SYT1: variants seen among roughly 807,000 people sequenced by gnomAD.
SYT1 encodes the protein synaptotagmin-1.
In SYT1, 8 loss-of-function variants were observed where a neutral mutation model predicts 44.8. The ratio of observed to expected loss-of-function variants is 0.18; its 90% CI spans 0.10 to 0.32. SYT1 has a LOEUF of 0.32. SYT1 is among the 10% of genes least tolerant of loss of function. The pLI, the probability that SYT1 is intolerant of heterozygous loss-of-function variation, is 1.00. For synonymous variants in SYT1, 154 were observed against 188.8 expected, an observed-to-expected ratio of 0.82 and a Z score of 1.51; for missense variants, 286 against 509.3, an observed-to-expected ratio of 0.56 and a Z score of 4.22.
In SYT1 at chr12:78,980,761, C is replaced by T. The variant is rs557242948; in HGVS notation, c.-84+2830C>T. Reference sequence around the variant, plus strand: ...GATCGTCAAAATTAAGCCAATTAGACAAAAAATATTACATTATATATTTAC... The same window carrying T: ...GATCGTCAAAATTAAGCCAATTAGATAAAAAATATTACATTATATATTTAC... On this transcript the variant is annotated intron_variant, in intron 2 of 10. Coordinates refer to ENST00000261205, the MANE Select transcript of SYT1 (RefSeq NM_005639.3). Among the ~76,000 whole-genome samples the T allele has an allele frequency of 1.8e-4, 27 of 151,714 alleles. 1 individual carries two copies. In the South Asian group the frequency reaches 5.2e-3, roughly 29 times the overall value.
chr12:79,328,327 C>A (rs1167976635), intron 8 of SYT1, among the ~76,000 whole-genome samples: 1 of 152,108 alleles, frequency 6.6e-6, no homozygotes, highest in Admixed American at 6.5e-5. Context: ...CAGGAAGATG[C>A]ACTAATTTTA....
At chr12:79,352,847 T>C (rs572547724) in intron 8 of SYT1, among the ~76,000 whole-genome samples, 2 of 152,334 alleles carry the variant, frequency 1.3e-5, no homozygotes, top group South Asian at 2.1e-4. Flanking sequence ...TGCATTTGCA[T>C]TGTGTTACTA....
chr12:79,434,339 C>A (rs764968606), intron 9 of SYT1, among the ~76,000 whole-genome samples: 2 of 152,124 alleles, frequency 1.3e-5, no homozygotes, highest in Non-Finnish European at 2.9e-5. Flanking sequence ...ATGCTGCATC[C>A]TTTCAACAGC....
intron 1 of SYT1, among the ~76,000 whole-genome samples, chr12:78,972,916 C>A (rs1189889093): frequency 6.6e-6 from 1 of 152,034 alleles, no homozygotes; most frequent in Non-Finnish European, 1.5e-5. Flanking sequence ...ATGTAAACAT[C>A]AAGACAATGG....
chr12:79,438,671 G>A (rs1387502417), intron 9 of SYT1, among the ~76,000 whole-genome samples: 2 of 151,972 alleles, frequency 1.3e-5, no homozygotes, highest in African/African-American at 4.8e-5. Flanking sequence ...AGTCAAACAA[G>A]GTCTATATCC....
At chr12:78,944,120 A>T (rs928539317) in intron 1 of SYT1, among the ~76,000 whole-genome samples, 1 of 151,936 alleles carries the variant, frequency 6.6e-6, no homozygotes, top group Admixed American at 6.6e-5. Context: ...TCAGAATTTT[A>T]AAAATCTCTG....
intron 9 of SYT1, among the ~76,000 whole-genome samples, chr12:79,401,442 C>T (rs570228397): frequency 5.3e-5 from 8 of 152,234 alleles, no homozygotes; most frequent in East Asian, 1.9e-4. Context: ...GCTTTCACTT[C>T]GTATTCATGA....
At chr12:78,889,201 A>G (rs1050435677) in intron 1 of SYT1, among the ~76,000 whole-genome samples, 1 of 151,842 alleles carries the variant, frequency 6.6e-6, no homozygotes, top group Admixed American at 6.6e-5. Flanking sequence ...CCTGGCATCC[A>G]TGTTTCTTCA....
chr12:79,159,949 GAGTA>G (rs1870845582), intron 3 of SYT1, among the ~76,000 whole-genome samples: 1 of 152,146 alleles, frequency 6.6e-6, no homozygotes, highest in Admixed American at 6.6e-5. Flanking sequence ...TCCAGCCACT[GAGTA>G]AATGAGAACA....
chr12:79,150,097 A>T (rs924818835), intron 3 of SYT1, among the ~76,000 whole-genome samples: 1 of 152,202 alleles, frequency 6.6e-6, no homozygotes, highest in Non-Finnish European at 1.5e-5. Context: ...ACAACATGGT[A>T]TAATTAAATC....
chr12:79,104,062 T>TCACTGGAA (rs1056919173), intron 3 of SYT1, among the ~76,000 whole-genome samples: 4 of 152,156 alleles, frequency 2.6e-5, no homozygotes, highest in Non-Finnish European at 5.9e-5. Flanking sequence ...TATGCTGTTG[T>TCACTGGAA]CACTGGAAAA....
At chr12:79,446,034 T>TACATATA (rs1491131045) in intron 10 of SYT1, among the ~76,000 whole-genome samples, 8 of 115,524 alleles carry the variant, frequency 6.9e-5, no homozygotes, top group South Asian at 5.4e-4. Flanking sequence ...TATATATATA[T>TACATATA]TATGCCTAGG....
At chr12:79,078,888 T>C (rs1876843340) in intron 3 of SYT1, among the ~76,000 whole-genome samples, 1 of 152,222 alleles carries the variant, frequency 6.6e-6, no homozygotes, top group Non-Finnish European at 1.5e-5. Flanking sequence ...AATGGATACT[T>C]ATGATGTATG....
At chr12:79,394,643 G>A (rs1286579231) in intron 9 of SYT1, among the ~76,000 whole-genome samples, 1 of 152,104 alleles carries the variant, frequency 6.6e-6, no homozygotes, top group Non-Finnish European at 1.5e-5. Flanking sequence ...TTTTAAGATA[G>A]GAATTGATTT....
intron 3 of SYT1, among the ~76,000 whole-genome samples, chr12:79,155,545 A>G (rs1165724579): frequency 1.3e-5 from 2 of 152,234 alleles, no homozygotes; most frequent in Non-Finnish European, 2.9e-5. Flanking sequence ...TCAACTGTAA[A>G]GATTTTGTTT....
At chr12:79,308,620 GAAA>G (rs1353910509) in intron 8 of SYT1, among the ~76,000 whole-genome samples, 5 of 24,978 alleles carry the variant, frequency 2.0e-4, no homozygotes, top group East Asian at 5.7e-4. Flanking sequence ...GAAAAAGAAA[GAAA>G]GAAAGAAAGA....
chr12:79,073,083 T>A (rs1475326581), intron 3 of SYT1, among the ~76,000 whole-genome samples: 1 of 152,162 alleles, frequency 6.6e-6, no homozygotes, highest in Non-Finnish European at 1.5e-5. Context: ...ATATGTCTGA[T>A]GCAATAGTTA....
intron 9 of SYT1, among the ~76,000 whole-genome samples, chr12:79,390,739 T>C (rs1259919136): frequency 3.3e-5 from 5 of 152,230 alleles, no homozygotes; most frequent in African/African-American, 9.6e-5. Flanking sequence ...TTGAGCCCTA[T>C]AGTAACCTTT....
At chr12:79,080,506 G>C (rs1351929214) in intron 3 of SYT1, among the ~76,000 whole-genome samples, 1 of 151,992 alleles carries the variant, frequency 6.6e-6, no homozygotes, top group Non-Finnish European at 1.5e-5. Flanking sequence ...CCCTAAATCT[G>C]AATCTGAAAG....
Sources: allele counts gnomAD v4.1 joint callset (sites outside exome capture counted in the v4.1 genomes callset), GRCh38; gene constraint gnomAD v4.1.1; transcripts MANE v1.5; gene names NCBI Gene and HGNC (gene_info 2026-07-23, HGNC 2026-07-21).